ARL6IP4: variants seen among roughly 807,000 people sequenced by gnomAD.
ARL6IP4 encodes the protein ADP-ribosylation factor-like protein 6-interacting protein 4.
ARL6IP4 carries 24 observed loss-of-function variants against 28.1 expected under a neutral mutation model. That is an observed-to-expected ratio of 0.86 (90% CI 0.62 to 1.20). The LOEUF (loss-of-function observed/expected upper bound fraction) is 1.20, where lower values mean the gene tolerates loss of function less well. Among genes scored for constraint, ARL6IP4 ranks in the 50% most tolerant of loss-of-function variants. The probability of loss-of-function intolerance (pLI) is 0.00; values close to 1 mark genes in which losing one functional copy is unlikely to be tolerated. For missense variants in ARL6IP4, 343 were observed against 302.4 expected, an observed-to-expected ratio of 1.13 and a Z score of -1.00; for synonymous variants, 162 against 122.3, an observed-to-expected ratio of 1.32 and a Z score of -2.14.
intron 1 of ARL6IP4, 33 bp from the exon 2 acceptor site, chr12:122,981,096 G>A (rs2037624908): frequency 1.3e-6 from 2 of 1,540,942 alleles, no homozygotes; most frequent in African/African-American, 1.4e-5. Context: ...GGCCTTGGGG[G>A]CTTCGGCTCA....
At chr12:122,981,936 C>T (rs539593125) in intron 3 of ARL6IP4, 21 bp from the exon 4 acceptor site, 1 of 1,613,652 alleles carries the variant, frequency 6.2e-7, no homozygotes, top group South Asian at 1.1e-5. Context: ...GCCTGGCCAC[C>T]ACCTCCGTCT....
upstream of ARL6IP4, chr12:122,980,596 A>T (rs779503183): frequency 8.6e-6 from 12 of 1,397,046 alleles, no homozygotes; most frequent in Non-Finnish European, 1.0e-5. Context: ...CGCGCCCGGG[A>T]CGGAACCTGG....
At position 122,981,582 on chromosome 12, in the gene ARL6IP4, C is replaced by G; in HGVS notation, c.172C>G (p.Pro58Ala). ...TCCTGGCCTTCCAGCCTCACCTTCT[C>G]CCTGCATCACAGAGAGAAGCAAGCA... ...TAPGAEASPSPCITERSKQKA... is the reference protein window; with the variant it reads ...TAPGAEASPSACITERSKQKA... Residue 58 changes from proline (P) to alanine (A), a missense_variant, in exon 3 of 6, where the codon CCC becomes GCC. Physicochemically the swap from Pro to Ala is conservative, Grantham distance 27. Transcript: ENST00000315580. 4 of 1,552,976 alleles carry G rather than the reference C, an allele frequency of 2.6e-6. No homozygotes were observed. Among genetic ancestry groups the G allele is most frequent in the Non-Finnish European group, 3.5e-6 (4 of 1,150,944 alleles).
chr12:122,982,376 C>CT, intron 4 of ARL6IP4, 93 bp from the exon 5 acceptor site: 1 of 1,289,080 alleles, frequency 7.8e-7, no homozygotes, highest in Non-Finnish European at 1.1e-6. Context: ...GGTGGGAGCC[C>CT]TGGGACCCCT....
In ARL6IP4 at chr12:122,982,160, G is replaced by A. The variant is rs547876693; in HGVS notation, c.587+86G>A. ...GCTCTCGGGAGGAGTGGGGCCGGGC[G>A]GGGTTCCTGGTGCCTGAAAAAGGCC... On this transcript the variant is annotated intron_variant, in intron 4 of 5. Coordinates refer to ENST00000315580, the MANE Select transcript of ARL6IP4 (RefSeq NM_018694.4). 1.7e-4 allele frequency: 255 copies of A among 1,490,340 alleles called. 7 individuals carry two copies. The South Asian group carries it at 2.4e-3, about 14-fold the overall frequency. 92.3% of individuals were successfully genotyped at this position (1,490,340 alleles called of 1,614,324 possible). A position where few individuals can be genotyped will look rare whatever the true frequency, so the allele number is the denominator to read the frequency against.
At chr12:122,981,062 C>A in intron 1 of ARL6IP4, 67 bp from the exon 2 acceptor site, 1 of 1,475,830 alleles carries the variant, frequency 6.8e-7, no homozygotes. Context: ...CCGCTAGAGC[C>A]ACCCTTGGAG....
chr12:122,982,801 C>A lies in ARL6IP4; in HGVS notation c.*125C>A. Reference sequence around the variant, plus strand: ...CCCCGTGGATTGGTCTCTGGCCCAGCCCAGTCTCTTCTCAGGGGCAGGGGG... The same window carrying A: ...CCCCGTGGATTGGTCTCTGGCCCAGACCAGTCTCTTCTCAGGGGCAGGGGG... On this transcript the variant is annotated 3_prime_UTR_variant, in exon 6 of 6. Transcript: ENST00000315580. 1 of 1,031,806 alleles carries A rather than the reference C, an allele frequency of 9.7e-7. No homozygotes were observed. The highest frequency in any genetic ancestry group is 1.4e-6 in the Non-Finnish European group (1 of 696,940). 63.9% of individuals were successfully genotyped at this position (1,031,806 alleles called of 1,614,324 possible).
In ARL6IP4 at chr12:122,981,851, A is replaced by G. The variant is rs1437540715; in HGVS notation, c.441A>G (p.Arg147=). ...GCCCCTCGCTGGACCAGTGGCACCG[A>G]TCAGCTGGGGAGGAAGAGGATGGCC... ...LPGPSLDQWH[R]SAGEEEDGPV... Residue 147 remains arginine (R), a synonymous_variant, in exon 3 of 6, where the codon CGA becomes CGG. Coordinates refer to ENST00000315580, the MANE Select transcript of ARL6IP4 (RefSeq NM_018694.4). 2.5e-6 allele frequency: 4 copies of G among 1,610,828 alleles called. No individual in the cohort carries two copies. In the South Asian group the frequency reaches 3.3e-5, roughly 13 times the overall value.
In ARL6IP4 at chr12:122,982,770, C is replaced by A; in HGVS notation, c.*94C>A. On this transcript the variant is annotated 3_prime_UTR_variant, in exon 6 of 6. Coordinates refer to ENST00000315580, the MANE Select transcript of ARL6IP4 (RefSeq NM_018694.4). ...TGGGAAGCCTGATGGGTGCTGGTGG[C>A]CTTTCCCCCGTGGATTGGTCTCTGG... 1 of 1,341,464 alleles carries A rather than the reference C, an allele frequency of 7.5e-7. No homozygotes were observed. The highest frequency in any genetic ancestry group is 1.0e-6 in the Non-Finnish European group (1 of 954,218). The allele number at this position is 1,341,464 out of a possible 1,614,324, so 83.1% of individuals were successfully genotyped here. A position where few individuals can be genotyped will look rare whatever the true frequency, so the allele number is the denominator to read the frequency against.
rs984475596 is a variant in ARL6IP4, at chr12:122,980,931, A to G, written c.-12+186A>G. 1.1e-5 allele frequency: 15 copies of G among 1,378,372 alleles called. No homozygotes were observed. The African/African-American group carries it at 2.3e-4, about 21-fold the overall frequency. The allele number at this position is 1,378,372 out of a possible 1,614,324, so 85.4% of individuals were successfully genotyped here. On this transcript the variant is annotated intron_variant, in intron 1 of 5. Coordinates refer to ENST00000315580, the MANE Select transcript of ARL6IP4 (RefSeq NM_018694.4). ...TCCGGGCACGGGGCGGGCCCTTAAC[A>G]GGCACCGCTGCGGGGACTGGAGTCG...
rs777030854 is a variant in ARL6IP4 at position 122,981,782 on chromosome 12, G to A, written c.372G>A (p.Lys124=). Residue 124 remains lysine (K), a synonymous_variant, in exon 3 of 6, where the codon AAG becomes AAA. Transcript: ENST00000315580. The stretch of plus-strand genomic sequence containing the variant: ...AGAAGAGGAAGAAGCTGAAGAAGAA[G>A]GGCAAGGAGAAGGCGGAAGCACAGC... ...KKKKRKKLKK[K]GKEKAEAQQV... 4 of 1,584,318 alleles carry A rather than the reference G, an allele frequency of 2.5e-6. No individual in the cohort carries two copies. The highest frequency in any genetic ancestry group is 2.3e-5 in the East Asian group (1 of 43,292).
At position 122,981,734 on chromosome 12, in the gene ARL6IP4, G is replaced by T; in HGVS notation, c.324G>T (p.Lys108Asn). 1 of 1,553,974 alleles carries T rather than the reference G, an allele frequency of 6.4e-7. No individual in the cohort carries two copies. The highest frequency in any genetic ancestry group is 8.7e-7 in the Non-Finnish European group (1 of 1,148,382). Reference protein sequence around the residue: ...SDGRKKRGKYKDKRRKKKKKR... With the variant: ...SDGRKKRGKYNDKRRKKKKKR... ...GCCGGAAGAAGCGGGGGAAGTACAAGGACAAGAGGAGGAAGAAGAAGAAGA... is the reference window on the plus strand; with the variant it reads ...GCCGGAAGAAGCGGGGGAAGTACAATGACAAGAGGAGGAAGAAGAAGAAGA... Residue 108 changes from lysine to asparagine, a missense_variant, in exon 3 of 6, where the codon AAG (lysine) becomes AAT (asparagine). By Grantham distance (94) the Lys-to-Asn change is moderately conservative. Coordinates refer to ENST00000315580, the MANE Select transcript of ARL6IP4 (RefSeq NM_018694.4).
chr12:122,982,548 G>GC lies in ARL6IP4; in HGVS notation c.657+14dup. On this transcript the variant is annotated intron_variant, in intron 5 of 5. Coordinates refer to ENST00000315580, the MANE Select transcript of ARL6IP4 (RefSeq NM_018694.4). The stretch of plus-strand genomic sequence containing the variant: ...CAGAGAGATCAACAAGGTGGGTGTG[G>GC]CCCCTCTGCCTGCCATCCGCCCCCA... 1 of 1,614,126 alleles carries GC rather than the reference G, an allele frequency of 6.2e-7. No individual in the cohort carries two copies. The highest frequency in any genetic ancestry group is 8.5e-7 in the Non-Finnish European group (1 of 1,180,020).
rs752450233 is a variant in ARL6IP4 at position 122,982,617 on chromosome 12, C to A, written c.658-3C>A. 6.2e-7 allele frequency: 1 copy of A among 1,614,164 alleles called. No homozygotes were observed. The highest frequency in any genetic ancestry group is 2.2e-5 in the East Asian group (1 of 44,882). ...CCCTCCTCCTGTGTGCTTTCTTCCC[C>A]AGCAAGCCACCCGAGGGGACTGCCT... is the stretch of plus-strand genomic sequence containing the variant. On this transcript the variant is annotated splice_region_variant and splice_polypyrimidine_tract_variant and intron_variant, in intron 5 of 5. Coordinates refer to ENST00000315580, the MANE Select transcript of ARL6IP4 (RefSeq NM_018694.4).
At chr12:122,981,926 G>T in intron 3 of ARL6IP4, 31 bp from the exon 4 acceptor site, 5 of 1,613,616 alleles carry the variant, frequency 3.1e-6, no homozygotes, top group Non-Finnish European at 3.4e-6. Flanking sequence ...GCTTCCCAAG[G>T]CCTGGCCACC....
chr12:122,981,329 G>A (rs751870507), intron 2 of ARL6IP4, 30 bp downstream of exon 2: 63 of 1,528,532 alleles, frequency 4.1e-5, no homozygotes, highest in South Asian at 1.2e-4. Flanking sequence ...GGGAGAGGAG[G>A]CGCAGTTACT....
At position 122,981,197 on chromosome 12, in the gene ARL6IP4, G is replaced by A. The variant is rs778688248; in HGVS notation, c.58G>A (p.Gly20Arg). ...SRSRSRSRGRGSEKRKKKSRK... is the reference protein window; with the variant it reads ...SRSRSRSRGRRSEKRKKKSRK... Reference sequence around the variant, plus strand: ...GAGTCGCAGCCGGTCCCGGGGACGGGGGTCGGAAAAGAGAAAGAAGAAGAG... The same window carrying A: ...GAGTCGCAGCCGGTCCCGGGGACGGAGGTCGGAAAAGAGAAAGAAGAAGAG... The change falls in exon 2 of 6, where the codon GGG becomes AGG. Residue 20 changes from glycine (G) to arginine (R), a missense_variant. Coordinates refer to ENST00000315580, the MANE Select transcript of ARL6IP4 (RefSeq NM_018694.4). 8.4e-6 allele frequency: 13 copies of A among 1,549,884 alleles called. No homozygotes were observed. In the South Asian group the frequency reaches 1.5e-4, roughly 18 times the overall value.
At position 122,982,740 on chromosome 12, in the gene ARL6IP4, G is replaced by T; in HGVS notation, c.*64G>T. The T allele has an allele frequency of 1.3e-6, 2 of 1,534,174 alleles. No homozygotes were observed. The highest frequency in any genetic ancestry group is 1.8e-6 in the Non-Finnish European group (2 of 1,115,368). ...GCCCAGCCTGGGCAGGTTTCAGGGT[G>T]CCAGTGGGAAGCCTGATGGGTGCTG... is the stretch of plus-strand genomic sequence containing the variant. On this transcript the variant is annotated 3_prime_UTR_variant, in exon 6 of 6. Transcript: ENST00000315580.
At position 122,982,021 on chromosome 12, in the gene ARL6IP4, T is replaced by C. The variant is rs769622490; in HGVS notation, c.534T>C (p.Asp178=). The part of the protein sequence containing the change: ...AMKPMTKEEW[D]ARQSIIRKVV... ...AGCCCATGACCAAGGAGGAGTGGGA[T>C]GCCCGGCAGAGCATCATCCGCAAGG... Residue 178 remains aspartate (D), a synonymous_variant, in exon 4 of 6, where the codon GAT becomes GAC. Coordinates refer to ENST00000315580, the MANE Select transcript of ARL6IP4 (RefSeq NM_018694.4). 6.2e-7 allele frequency: 1 copy of C among 1,613,640 alleles called. No homozygotes were observed. The highest frequency in any genetic ancestry group is 8.5e-7 in the Non-Finnish European group (1 of 1,180,022).
Sources: gnomAD v4.1 joint callset for allele counts on GRCh38, gnomAD v4.1.1 for gene constraint, MANE v1.5 for transcripts, NCBI Gene and HGNC (gene_info 2026-07-23, HGNC 2026-07-21) for gene names.